The following CNTN5 variants were observed in gnomAD, a reference collection of about 807,000 sequenced individuals.
CNTN5 encodes the protein contactin 5, also known as contactin-5.
A neutral mutation model predicts 129.1 loss-of-function variants in CNTN5; 77 were observed. That is an observed-to-expected ratio of 0.60 (90% CI 0.50 to 0.72). CNTN5 has a LOEUF of 0.72. Among genes scored for constraint, CNTN5 ranks in the 30% least tolerant of loss-of-function variants. CNTN5 has a pLI of 0.00. For synonymous variants in CNTN5, 509 were observed against 465.6 expected (o/e 1.09, Z -1.20); for missense variants, 1,478 against 1,328.8 (o/e 1.11, Z -1.75).
chr11:99,811,249 A>C (rs2135518708), intron 3 of CNTN5, among the ~76,000 whole-genome samples: 1 of 152,106 alleles, frequency 6.6e-6, no homozygotes. Context: ...TTTTCTTGTA[A>C]ACATACCTCT....
chr11:100,039,740 C>T (rs1447984224), intron 9 of CNTN5, among the ~76,000 whole-genome samples: 3 of 152,164 alleles, frequency 2.0e-5, no homozygotes, highest in Non-Finnish European at 2.9e-5. Flanking sequence ...CACTGATACC[C>T]TTTCTTCCAG....
chr11:99,180,103 T>C (rs1857975994), intron 1 of CNTN5, among the ~76,000 whole-genome samples: 1 of 152,184 alleles, frequency 6.6e-6, no homozygotes, highest in Non-Finnish European at 1.5e-5. Context: ...ACACACACAC[T>C]ACCTTAAAGG....
At chr11:99,744,523 A>G (rs1426886690) in intron 3 of CNTN5, among the ~76,000 whole-genome samples, 2 of 132,084 alleles carry the variant, frequency 1.5e-5, no homozygotes, top group African/African-American at 5.9e-5. Context: ...ACATAGCAAA[A>G]CCCCGTCTCT....
intron 7 of CNTN5, among the ~76,000 whole-genome samples, chr11:99,933,073 G>A (rs1445225560): frequency 6.6e-6 from 1 of 151,996 alleles, no homozygotes; most frequent in Non-Finnish European, 1.5e-5. Flanking sequence ...AAATAATGAG[G>A]CCTGAGTACC....
chr11:99,131,403 G>A (rs1184130252), intron 1 of CNTN5, among the ~76,000 whole-genome samples: 2 of 151,844 alleles, frequency 1.3e-5, no homozygotes, highest in Non-Finnish European at 1.5e-5. Context: ...AAATAACCAA[G>A]CTCAGAGTGG....
chr11:99,807,997 C>A (rs947223530), intron 3 of CNTN5, among the ~76,000 whole-genome samples: 4 of 152,042 alleles, frequency 2.6e-5, no homozygotes, highest in Non-Finnish European at 5.9e-5. Context: ...GGCGTAGGGA[C>A]CTTCTGTGAC....
At chr11:99,254,229 T>G (rs1862263460) in intron 1 of CNTN5, among the ~76,000 whole-genome samples, 1 of 151,750 alleles carries the variant, frequency 6.6e-6, no homozygotes, top group Admixed American at 6.6e-5. Context: ...TGAACAGGTA[T>G]GGATGGATAA....
chr11:99,299,861 G>T (rs576629610), intron 1 of CNTN5, among the ~76,000 whole-genome samples: 1 of 152,216 alleles, frequency 6.6e-6, no homozygotes, highest in East Asian at 1.9e-4. Context: ...AAACATACAA[G>T]TGTAGGTGTC....
intron 1 of CNTN5, among the ~76,000 whole-genome samples, chr11:99,279,369 G>GA (rs1252989969): frequency 1.3e-5 from 2 of 151,704 alleles, no homozygotes; most frequent in Non-Finnish European, 2.9e-5. Flanking sequence ...ATCCACCAGA[G>GA]AAAAAACAGT....
chr11:99,793,956 C>T (rs922279079), intron 3 of CNTN5, among the ~76,000 whole-genome samples: 2 of 152,130 alleles, frequency 1.3e-5, no homozygotes, highest in Non-Finnish European at 2.9e-5. Flanking sequence ...GAGTTCAGCT[C>T]CTGAATATCT....
intron 3 of CNTN5, among the ~76,000 whole-genome samples, chr11:99,804,547 C>G (rs1946211477): frequency 7.0e-6 from 1 of 143,460 alleles, no homozygotes; most frequent in African/African-American, 2.5e-5. Flanking sequence ...AAAAAAAACT[C>G]AGTAAAGTAT....
intron 13 of CNTN5, among the ~76,000 whole-genome samples, chr11:100,133,075 G>A (rs375587264): frequency 1.3e-5 from 2 of 152,054 alleles, no homozygotes; most frequent in African/African-American, 4.8e-5. Context: ...GCATAAATAA[G>A]AGATAGTTGG....
intron 3 of CNTN5, among the ~76,000 whole-genome samples, chr11:99,794,732 C>A (rs565924452): frequency 6.6e-6 from 1 of 152,234 alleles, no homozygotes; most frequent in East Asian, 1.9e-4. Flanking sequence ...TTTTCTTTAA[C>A]CATGCTGAAT....
intron 15 of CNTN5, among the ~76,000 whole-genome samples, chr11:100,209,670 A>G (rs566035714): frequency 9.2e-5 from 14 of 152,232 alleles, no homozygotes; most frequent in Non-Finnish European, 2.1e-4. Flanking sequence ...TCCTTGTTAA[A>G]TGTTTCTACC....
chr11:100,076,623 G>C (rs1050845301), intron 13 of CNTN5, among the ~76,000 whole-genome samples: 30 of 151,842 alleles, frequency 2.0e-4, no homozygotes, highest in Non-Finnish European at 3.2e-4. Flanking sequence ...TTTTCTAGAT[G>C]TCAATACTTC....
At chr11:100,131,736 C>T (rs542249246) in intron 13 of CNTN5, among the ~76,000 whole-genome samples, 5 of 152,124 alleles carry the variant, frequency 3.3e-5, no homozygotes, top group African/African-American at 9.6e-5. Context: ...GAAACTGGCT[C>T]ATCATAATAA....
chr11:99,108,154 A>C (rs1187569729), intron 1 of CNTN5, among the ~76,000 whole-genome samples: 1 of 152,116 alleles, frequency 6.6e-6, no homozygotes, highest in Non-Finnish European at 1.5e-5. Context: ...GCTGCAAAGG[A>C]GATTACAGTG....
At chr11:100,019,091 G>A (rs1940984390) in intron 9 of CNTN5, among the ~76,000 whole-genome samples, 1 of 151,790 alleles carries the variant, frequency 6.6e-6, no homozygotes, top group African/African-American at 2.4e-5. Flanking sequence ...CTCCCACTCT[G>A]GGACTGTCTT....
intron 3 of CNTN5, among the ~76,000 whole-genome samples, chr11:99,587,121 G>T (rs1347558454): frequency 6.6e-6 from 1 of 152,070 alleles, no homozygotes; most frequent in African/African-American, 2.4e-5. Context: ...ATGAAGTCAT[G>T]TTGGCTACTA....
Sources: allele counts gnomAD v4.1 joint callset (sites outside exome capture counted in the v4.1 genomes callset), GRCh38; gene constraint gnomAD v4.1.1; transcripts MANE v1.5; gene names NCBI Gene and HGNC (gene_info 2026-07-23, HGNC 2026-07-21).